MYO10: variants seen among roughly 807,000 people sequenced by gnomAD.
MYO10 encodes the protein myosin X.
In MYO10, 133 loss-of-function variants were observed where a neutral mutation model predicts 257.3. The observed-to-expected ratio is 0.52, with a 90% CI of 0.45 to 0.60. MYO10 has a LOEUF of 0.60. Among genes scored for constraint, MYO10 ranks in the 20% least tolerant of loss-of-function variants. The pLI is 0.00. For missense variants in MYO10, 2,399 were observed against 2,635.7 expected (o/e 0.91, Z 1.97); for synonymous variants, 1,104 against 1,028.6 (o/e 1.07, Z -1.40).
intron 19 of MYO10, among the ~76,000 whole-genome samples, chr5:16,716,996 C>T (rs745622496): frequency 7.2e-5 from 11 of 152,096 alleles, no homozygotes; most frequent in Non-Finnish European, 1.3e-4. Context: ...TGTCACCACA[C>T]CTGGCTAATT....
chr5:16,673,663 A>T lies in MYO10; in HGVS notation c.5172+19T>A. The T allele has an allele frequency of 6.2e-7, 1 of 1,607,144 alleles. No individual in the cohort carries two copies. The highest frequency in any genetic ancestry group is 8.5e-7 in the Non-Finnish European group (1 of 1,176,186). ...AGCAAAGGCATCTAACAGAACAAGC[A>T]GCAGCTGCCTCTCCTCACCTCCCCA... On this transcript the variant is annotated intron_variant, in intron 36 of 40. Transcript: ENST00000513610.
At chr5:16,667,157 T>C (rs1212801545) in intron 40 of MYO10, among the ~76,000 whole-genome samples, 1 of 152,066 alleles carries the variant, frequency 6.6e-6, no homozygotes, top group Non-Finnish European at 1.5e-5. Flanking sequence ...AATGACAGAG[T>C]CCACAATTAC....
chr5:16,915,782 C>T (rs1008417985), intron 1 of MYO10, among the ~76,000 whole-genome samples: 1 of 152,084 alleles, frequency 6.6e-6, no homozygotes, highest in African/African-American at 2.4e-5. Flanking sequence ...ATGGCAAAAC[C>T]CAGTCTCCAA....
At chr5:16,668,521 A>G (rs773224367) in intron 39 of MYO10, 53 bp from the exon 40 acceptor site, 45 of 1,455,132 alleles carry the variant, frequency 3.1e-5, no homozygotes, top group Non-Finnish European at 4.1e-5. Flanking sequence ...TTGGCAACAG[A>G]AAGCATCTAA....
At chr5:16,845,604 G>A (rs1044647767) in intron 2 of MYO10, among the ~76,000 whole-genome samples, 1 of 152,086 alleles carries the variant, frequency 6.6e-6, no homozygotes, top group Admixed American at 6.6e-5. Flanking sequence ...AGCTCTCATG[G>A]CACCACTGTA....
At chr5:16,829,929 A>G (rs1743115834) in intron 2 of MYO10, among the ~76,000 whole-genome samples, 1 of 151,892 alleles carries the variant, frequency 6.6e-6, no homozygotes. Flanking sequence ...ACAAGAATAT[A>G]CTAGGATAGT....
chr5:16,827,318 CT>C (rs1179497156), intron 2 of MYO10, among the ~76,000 whole-genome samples: 4 of 152,142 alleles, frequency 2.6e-5, no homozygotes, highest in Non-Finnish European at 4.4e-5. Context: ...CGGAGTCTCA[CT>C]GTCACCCAGG....
Position 16,699,493 on chromosome 5 carries a change from G to A in MYO10, c.3513C>T (p.Ser1171=), listed in dbSNP as rs757272472. Residue 1171 remains serine (S), a synonymous_variant, in exon 26 of 41, where the codon AGC becomes AGT. Transcript: ENST00000513610. Reference sequence around the variant, plus strand: ...TGTGGAAATACGGCAGAGTGACACAGCTGTACACAGAGTCACGCCGGTATG... The same window carrying A: ...TGTGGAAATACGGCAGAGTGACACAACTGTACACAGAGTCACGCCGGTATG... ...ELSYRRDSVY[S]CVTLPYFHSF... is the part of the protein sequence containing the mutation. 6.2e-7 allele frequency: 1 copy of A among 1,613,884 alleles called. No homozygotes were observed.
At chr5:16,679,524 G>GTTTTTTTTTTTTTTTTTTGTTT (rs1736887700) in intron 33 of MYO10, among the ~76,000 whole-genome samples, 1 of 122,672 alleles carries the variant, frequency 8.2e-6, no homozygotes, top group African/African-American at 3.2e-5. Context: ...TTTTTTGGGT[G>GTTTTTTTTTTTTTTTTTTGTTT]TTTTTTTTTT....
At chr5:16,759,057 G>A (rs1740618114) in intron 17 of MYO10, among the ~76,000 whole-genome samples, 1 of 152,032 alleles carries the variant, frequency 6.6e-6, no homozygotes, top group Non-Finnish European at 1.5e-5. Flanking sequence ...GAGTAGCTGG[G>A]ATTATAGGCG....
At chr5:16,869,125 C>A (rs1469390318) in intron 2 of MYO10, among the ~76,000 whole-genome samples, 1 of 151,780 alleles carries the variant, frequency 6.6e-6, no homozygotes, top group Non-Finnish European at 1.5e-5. Context: ...CCCAGGTTCA[C>A]GCCATTCTCC....
At chr5:16,780,351 C>T (rs1220178412) in intron 8 of MYO10, among the ~76,000 whole-genome samples, 173 bp downstream of exon 8, 2 of 151,958 alleles carry the variant, frequency 1.3e-5, no homozygotes, top group Non-Finnish European at 1.5e-5. Context: ...TAATTTTCTC[C>T]CTATTATTTC....
chr5:16,850,469 G>A (rs1311301078), intron 2 of MYO10, among the ~76,000 whole-genome samples: 1 of 151,858 alleles, frequency 6.6e-6, no homozygotes, highest in Admixed American at 6.6e-5. Context: ...GTAGAGATGG[G>A]GTTTCACCAT....
intron 1 of MYO10, among the ~76,000 whole-genome samples, chr5:16,917,269 T>G (rs536481461): frequency 8.5e-4 from 129 of 152,320 alleles, no homozygotes; most frequent in Admixed American, 7.2e-4. Context: ...TGATTTTATT[T>G]AGAAAATGCA....
chr5:16,771,583 ATTAT>A (rs1560976327), intron 9 of MYO10, among the ~76,000 whole-genome samples: 1 of 143,110 alleles, frequency 7.0e-6, no homozygotes, highest in East Asian at 2.0e-4. Flanking sequence ...TATTATTATT[ATTAT>A]TATTATTTTG....
In MYO10 at chr5:16,879,476, G is replaced by T. The variant is rs148619665; in HGVS notation, c.22-1769C>A. Among the ~76,000 whole-genome samples, 677 of 152,104 alleles carry T rather than the reference G, an allele frequency of 4.5e-3. 12 individuals are homozygous for T. Among genetic ancestry groups the T allele is most frequent in the African/African-American group, 0.016 (651 of 41,486 alleles). ...TAAAGGAGTGCCCCAGATATATCAG[G>T]GTCATGTGCTAAGAAGTCTCAATGA... On this transcript the variant is annotated intron_variant, in intron 1 of 40. Coordinates refer to ENST00000513610, the MANE Select transcript of MYO10 (RefSeq NM_012334.3).
intron 3 of MYO10, among the ~76,000 whole-genome samples, chr5:16,807,863 C>G (rs1742324472): frequency 6.6e-6 from 1 of 152,116 alleles, no homozygotes; most frequent in Admixed American, 6.6e-5. Flanking sequence ...GTATTTTTAT[C>G]ACACCCATTG....
intron 40 of MYO10, 130 bp downstream of exon 40, chr5:16,668,147 A>G (rs35579): frequency 0.46 from 430,651 of 939,886 alleles, 100,386 homozygotes; most frequent in Admixed American, 0.56. Context: ...GGACCACCAC[A>G]CTGTATTTTC....
chr5:16,921,805 G>A (rs1218592493), intron 1 of MYO10, among the ~76,000 whole-genome samples: 7 of 152,010 alleles, frequency 4.6e-5, no homozygotes, highest in Non-Finnish European at 8.8e-5. Flanking sequence ...AGGAGGTGAG[G>A]GTATGATCCT....
Sources: gnomAD v4.1 joint callset for allele counts (sites outside exome capture counted in the v4.1 genomes callset) on GRCh38, gnomAD v4.1.1 for gene constraint, MANE v1.5 for transcripts, NCBI Gene and HGNC (gene_info 2026-07-23, HGNC 2026-07-21) for gene names.